Variants in NAA25 observed in about 807,000 individuals in gnomAD.
The protein encoded by NAA25 is N-terminal acetyltransferase B complex subunit NAA25.
In NAA25, 30 loss-of-function variants were observed where a neutral mutation model predicts 132.5. That is an observed-to-expected ratio of 0.23 (90% CI 0.17 to 0.31). The LOEUF (loss-of-function observed/expected upper bound fraction) is 0.31. Among genes scored for constraint, NAA25 ranks in the 10% least tolerant of loss-of-function variants. The probability of loss-of-function intolerance (pLI) is 1.00; values close to 1 mark genes in which losing one functional copy is unlikely to be tolerated. For missense variants in NAA25, 771 were observed against 1,150.4 expected (o/e 0.67, Z 4.77); for synonymous variants, 359 against 401.9 (o/e 0.89, Z 1.28).
In NAA25 at chr12:112,081,935, T is replaced by C. The variant is rs185618450; in HGVS notation, c.403-801A>G. ...GGGAGAAAACAAATACATAAATGAC[T>C]GAAATGTATTTAGCAATAAAAATAA... On this transcript the variant is annotated intron_variant, in intron 4 of 23. Coordinates refer to ENST00000261745, the MANE Select transcript of NAA25 (RefSeq NM_024953.4). Among the ~76,000 whole-genome samples, 709 of 152,294 alleles carry C rather than the reference T, an allele frequency of 4.7e-3. 9 individuals are homozygous for C. The highest frequency in any genetic ancestry group is 0.016 in the African/African-American group (676 of 41,566).
chr12:112,044,365 T>C (rs2078345688), intron 17 of NAA25, among the ~76,000 whole-genome samples: 1 of 152,066 alleles, frequency 6.6e-6, no homozygotes, highest in Non-Finnish European at 1.5e-5. Flanking sequence ...ATGGGAATGA[T>C]AACCTATTTA....
intron 2 of NAA25, 96 bp from the exon 3 acceptor site, chr12:112,090,960 C>T: frequency 1.6e-6 from 2 of 1,238,988 alleles, no homozygotes. Context: ...TTAAGTTATG[C>T]CTAGGTTGCT....
At chr12:112,033,563 A>G (rs1199838362) in intron 22 of NAA25, 184 bp from the exon 23 acceptor site, 3 of 407,700 alleles carry the variant, frequency 7.4e-6, no homozygotes, top group Non-Finnish European at 1.3e-5. Flanking sequence ...ACACAGTAAT[A>G]TTAAAATAAA....
rs554694452 is a variant in NAA25, at chr12:112,107,378, T to A, written c.58+1338A>T. On this transcript the variant is annotated intron_variant, in intron 1 of 23. Transcript: ENST00000261745. ...CAACAATAAAGCCTCAGTTTCCTCA[T>A]CTGTTTTTTTTTTTGTTGTTGTTGT... 1.2e-4 allele frequency among the ~76,000 whole-genome samples: 18 copies of A among 151,328 alleles called. No individual in the cohort carries two copies. In the East Asian group the frequency reaches 3.3e-3, roughly 28 times the overall value.
chr12:112,062,336 G>T (rs956160939), intron 11 of NAA25, among the ~76,000 whole-genome samples: 1 of 151,822 alleles, frequency 6.6e-6, no homozygotes, highest in Non-Finnish European at 1.5e-5. Context: ...GGGAGGCAGA[G>T]GTTGCTGTGA....
chr12:112,035,969 AACC>A (rs1441084997), intron 22 of NAA25, among the ~76,000 whole-genome samples: 1 of 152,196 alleles, frequency 6.6e-6, no homozygotes, highest in East Asian at 1.9e-4. Context: ...TATAGGTGTG[AACC>A]GCAGCACCCA....
chr12:112,062,518 G>C (rs181136305), intron 11 of NAA25, among the ~76,000 whole-genome samples: 25 of 151,906 alleles, frequency 1.6e-4, no homozygotes, highest in Non-Finnish European at 2.9e-4. Flanking sequence ...TGAGGTCAGG[G>C]GTTCGAGACC....
chr12:112,075,807 A>G lies in NAA25; in HGVS notation c.665-18T>C. 3 of 1,602,268 alleles carry G rather than the reference A, an allele frequency of 1.9e-6. No homozygotes were observed. The highest frequency in any genetic ancestry group is 2.6e-6 in the Non-Finnish European group (3 of 1,169,502). Reference sequence around the variant, plus strand: ...CAACTTCTCTAAAATCAAAAGTTATAAAAGTTGGTAAGCTGGTTTCATTTC... The same window carrying G: ...CAACTTCTCTAAAATCAAAAGTTATGAAAGTTGGTAAGCTGGTTTCATTTC... On this transcript the variant is annotated intron_variant, in intron 7 of 23. Transcript: ENST00000261745.
chr12:112,092,259 G>A (rs1029842664), intron 2 of NAA25, among the ~76,000 whole-genome samples: 1 of 150,218 alleles, frequency 6.7e-6, no homozygotes, highest in African/African-American at 2.4e-5. Flanking sequence ...AAAAAAAAAC[G>A]AAAAAAGAAA....
chr12:112,054,657 AC>A lies in NAA25; in HGVS notation c.1448-90del, dbSNP rs143230855. 3.1e-3 allele frequency: 3,475 copies of A among 1,134,168 alleles called. 86 individuals are homozygous for A. In the African/African-American group the frequency reaches 0.045, roughly 15 times the overall value. The allele number at this position is 1,134,168 out of a possible 1,614,324, so 70.3% of individuals were successfully genotyped here. ...AAAACAAAACCTTATTGACATCATCACCCCCCCCAATAAATGAAGTTAAATG... is the reference window on the plus strand; with the variant it reads ...AAAACAAAACCTTATTGACATCATCACCCCCCCAATAAATGAAGTTAAATG... On this transcript the variant is annotated intron_variant, in intron 13 of 23. Transcript: ENST00000261745.
At chr12:112,060,674 C>T (rs2078614894) in intron 12 of NAA25, among the ~76,000 whole-genome samples, 1 of 152,144 alleles carries the variant, frequency 6.6e-6, no homozygotes, top group Non-Finnish European at 1.5e-5. Context: ...CCATGTATAA[C>T]TAAATTCACA....
At chr12:112,072,532 C>G (rs1384953618) in intron 9 of NAA25, among the ~76,000 whole-genome samples, 4 of 151,492 alleles carry the variant, frequency 2.6e-5, no homozygotes, top group African/African-American at 9.7e-5. Context: ...TCGCTTGAAC[C>G]CAGGAGGGAG....
intron 1 of NAA25, among the ~76,000 whole-genome samples, chr12:112,107,821 G>T (rs1291590923): frequency 2.6e-5 from 4 of 152,116 alleles, no homozygotes; most frequent in Non-Finnish European, 4.4e-5. Context: ...ATGCAAAAAG[G>T]ACCAATCCAA....
chr12:112,062,222 C>T (rs2078641353), intron 11 of NAA25, among the ~76,000 whole-genome samples: 1 of 152,036 alleles, frequency 6.6e-6, no homozygotes, highest in South Asian at 2.1e-4. Flanking sequence ...CATGCTGAAA[C>T]CCCATCTCTA....
Position 112,078,789 on chromosome 12 carries a change from C to T in NAA25, c.478-48G>A, listed in dbSNP as rs568720872. 200 of 1,438,344 alleles carry T rather than the reference C, an allele frequency of 1.4e-4. No individual in the cohort carries two copies. In the South Asian group the frequency reaches 2.1e-3, roughly 15 times the overall value. 89.1% of individuals were successfully genotyped at this position (1,438,344 alleles called of 1,614,324 possible). ...TCATTCTAATTCTCCCCTGCTTGCA[C>T]TATTGATATTAACATTACTGTTAAT... On this transcript the variant is annotated intron_variant, in intron 5 of 23. Coordinates refer to ENST00000261745, the MANE Select transcript of NAA25 (RefSeq NM_024953.4).
Position 112,074,896 on chromosome 12 carries a change from T to G in NAA25, c.777-132A>C, listed in dbSNP as rs12299370. 5.7e-3 allele frequency: 3,056 copies of G among 537,438 alleles called. 92 individuals carry two copies. Among genetic ancestry groups the G allele is most frequent in the African/African-American group, 0.051 (2,613 of 51,256 alleles). The allele number at this position is 537,438 out of a possible 1,614,324, so 33.3% of individuals were successfully genotyped here. ...AGTAGGTTGGCTTACCCCCACCCAC[T>G]CCATGTTTCCTTTGCAAATCTAAAA... On this transcript the variant is annotated intron_variant, in intron 8 of 23. Coordinates refer to ENST00000261745, the MANE Select transcript of NAA25 (RefSeq NM_024953.4).
chr12:112,041,112 T>TAA (rs553911411), intron 20 of NAA25, among the ~76,000 whole-genome samples: 3 of 151,330 alleles, frequency 2.0e-5, no homozygotes, highest in African/African-American at 7.3e-5. Flanking sequence ...GCCAAGGAGT[T>TAA]AGAGTCCATC....
At chr12:112,092,524 G>C (rs1593830791) in intron 2 of NAA25, among the ~76,000 whole-genome samples, 2 of 152,122 alleles carry the variant, frequency 1.3e-5, no homozygotes, top group South Asian at 4.1e-4. Context: ...CTACGCAGGA[G>C]GCTAAAGCAG....
At chr12:112,085,429 T>C (rs958660358) in intron 4 of NAA25, among the ~76,000 whole-genome samples, 2 of 152,056 alleles carry the variant, frequency 1.3e-5, no homozygotes, top group Admixed American at 6.6e-5. Context: ...AAAAGAAGTA[T>C]ATCTTTTTTG....
Sources: gnomAD v4.1 joint callset for allele counts (sites outside exome capture counted in the v4.1 genomes callset) on GRCh38, gnomAD v4.1.1 for gene constraint, MANE v1.5 for transcripts, NCBI Gene and HGNC (gene_info 2026-07-23, HGNC 2026-07-21) for gene names.